Variants in GPHN observed in about 807,000 individuals in gnomAD.
The protein encoded by GPHN is gephyrin.
GPHN carries 17 observed loss-of-function variants against 95.5 expected under a neutral mutation model. That is an observed-to-expected ratio of 0.18 (90% CI 0.12 to 0.27). The LOEUF (loss-of-function observed/expected upper bound fraction) is 0.27, where lower values mean the gene tolerates loss of function less well. GPHN is among the 10% of genes least tolerant of loss of function. The pLI is 1.00. For missense variants in GPHN, 660 were observed against 978.1 expected, an observed-to-expected ratio of 0.67 and a Z score of 4.34; for synonymous variants, 320 against 322.5, an observed-to-expected ratio of 0.99 and a Z score of 0.08.
chr14:67,337,364 T>C, the GPHN span: 1 of 152,168 alleles, frequency 6.6e-6, no homozygotes, highest in African/African-American at 2.4e-5. Flanking sequence ...ATATAAACAT[T>C]AGCCGGGCAT....
At chr14:67,600,096 G>C in the GPHN span, 1 of 1,596,248 alleles carries the variant, frequency 6.3e-7, no homozygotes. Flanking sequence ...AACGCAGCGA[G>C]AGCCGAGGGC....
chr14:66,778,421 C>G (rs552858537), intron 3 of GPHN, among the ~76,000 whole-genome samples: 22 of 152,226 alleles, frequency 1.4e-4, no homozygotes, highest in African/African-American at 5.3e-4. Flanking sequence ...TTGACTTACT[C>G]TTTAAAAATT....
intron 1 of GPHN, among the ~76,000 whole-genome samples, chr14:66,528,589 A>G (rs2058784703): frequency 6.6e-6 from 1 of 152,172 alleles, no homozygotes; most frequent in Non-Finnish European, 1.5e-5. Flanking sequence ...GTGTTTTTGC[A>G]GTGGCTGGTA....
At chr14:66,899,663 T>C (rs888279768) in intron 5 of GPHN, among the ~76,000 whole-genome samples, 3 of 151,872 alleles carry the variant, frequency 2.0e-5, no homozygotes, top group Non-Finnish European at 4.4e-5. Context: ...CTGACTTCTA[T>C]TTGCTAATAT....
intron 2 of GPHN, among the ~76,000 whole-genome samples, chr14:66,770,590 T>C (rs1352730166): frequency 6.6e-6 from 1 of 152,172 alleles, no homozygotes; most frequent in Non-Finnish European, 1.5e-5. Context: ...TATCACAGCT[T>C]TTTACCTTTA....
At chr14:66,589,226 G>A (rs138763432) in intron 1 of GPHN, among the ~76,000 whole-genome samples, 61 of 152,250 alleles carry the variant, frequency 4.0e-4, no homozygotes, top group African/African-American at 1.3e-3. Flanking sequence ...AAGAGCTCCT[G>A]ATGGAAGCAC....
chr14:67,364,518 C>T, the GPHN span: 1,980 of 370,272 alleles, frequency 5.3e-3, 7 homozygotes, highest in Non-Finnish European at 7.6e-3. Context: ...TTTTATGATT[C>T]CTCTGAAACT....
In GPHN at chr14:66,743,554, G is replaced by A. The variant is rs957069411; in HGVS notation, c.144-32910G>A. 5.3e-5 allele frequency among the ~76,000 whole-genome samples: 8 copies of A among 152,086 alleles called. No homozygotes were observed. The East Asian group carries it at 1.6e-3, about 29-fold the overall frequency. ...GATCGAGACCATCCTGGCTAACACG[G>A]TGAAGCCCCTTCTCTAGTAAAAAAA... On this transcript the variant is annotated intron_variant, in intron 2 of 22. Transcript: ENST00000478722.
At chr14:67,225,003 C>A in the GPHN span, 2 of 810,474 alleles carry the variant, frequency 2.5e-6, no homozygotes, top group Non-Finnish European at 3.8e-6. Context: ...TCAAAATAAG[C>A]TCTTTCTCCT....
At chr14:67,162,418 T>C (rs1433466646) in intron 19 of GPHN, among the ~76,000 whole-genome samples, 2 of 152,228 alleles carry the variant, frequency 1.3e-5, no homozygotes, top group South Asian at 2.1e-4. Context: ...TACTTAATAT[T>C]AGAACAAAAG....
At chr14:67,714,990 TGA>T in the GPHN span, 1 of 152,350 alleles carries the variant, frequency 6.6e-6, no homozygotes, top group East Asian at 1.9e-4. Context: ...AGATTCTTGC[TGA>T]GAGAATTAAT....
intron 11 of GPHN, among the ~76,000 whole-genome samples, chr14:67,064,493 G>C (rs1273303456): frequency 6.6e-6 from 1 of 152,138 alleles, no homozygotes; most frequent in African/African-American, 2.4e-5. Context: ...GATTGGAATA[G>C]TTTCAGAAGG....
At position 66,914,464 on chromosome 14, in the gene GPHN, G is replaced by A. The variant is rs574786456; in HGVS notation, c.390-1539G>A. 1.1e-4 allele frequency among the ~76,000 whole-genome samples: 17 copies of A among 152,140 alleles called. No homozygotes were observed. The South Asian group carries it at 3.5e-3, about 32-fold the overall frequency. On this transcript the variant is annotated intron_variant, in intron 5 of 22. Coordinates refer to ENST00000478722, the MANE Select transcript of GPHN (RefSeq NM_020806.5). ...TGGATAAAATTACAAAAATCCCAGA[G>A]CTATGTATTAATCAAATTCTTTGTA...
At chr14:67,400,807 G>C in the GPHN span, among the ~76,000 whole-genome samples, 1 of 152,046 alleles carries the variant, frequency 6.6e-6, no homozygotes, top group Admixed American at 6.6e-5. Context: ...GGGCAACATA[G>C]TGAAATGCCA....
chr14:67,729,432 C>CG, the GPHN span: 1 of 1,545,330 alleles, frequency 6.5e-7, no homozygotes, highest in Non-Finnish European at 8.8e-7. Flanking sequence ...TGGGAGGTGC[C>CG]GGACTCGCTG....
intron 8 of GPHN, among the ~76,000 whole-genome samples, chr14:66,931,755 G>T (rs2066810888): frequency 6.6e-6 from 1 of 152,138 alleles, no homozygotes; most frequent in Non-Finnish European, 1.5e-5. Context: ...ATATGATTCT[G>T]AGTTCATTCT....
At chr14:67,426,239 A>G in the GPHN span, among the ~76,000 whole-genome samples, 1 of 152,130 alleles carries the variant, frequency 6.6e-6, no homozygotes, top group Non-Finnish European at 1.5e-5. Context: ...AAAGGAGACT[A>G]TTGTGTGGTC....
At chr14:66,867,614 C>A (rs575509229) in intron 4 of GPHN, among the ~76,000 whole-genome samples, 1 of 152,100 alleles carries the variant, frequency 6.6e-6, no homozygotes, top group African/African-American at 2.4e-5. Flanking sequence ...TTATTATAAC[C>A]CTTTTTAAAA....
intron 3 of GPHN, among the ~76,000 whole-genome samples, chr14:66,781,238 T>C (rs547666885): frequency 6.6e-6 from 1 of 151,478 alleles, no homozygotes; most frequent in African/African-American, 2.4e-5. Context: ...TTTTTTTTTT[T>C]GATACGGAGT....
Sources: gnomAD v4.1 joint callset for allele counts (sites outside exome capture counted in the v4.1 genomes callset) on GRCh38, gnomAD v4.1.1 for gene constraint, MANE v1.5 for transcripts, NCBI Gene and HGNC (gene_info 2026-07-23, HGNC 2026-07-21) for gene names.